IFIH1: variants seen among roughly 807,000 people sequenced by gnomAD.
The protein encoded by IFIH1 is interferon induced with helicase C domain 1.
In IFIH1, 125 loss-of-function variants were observed where a neutral mutation model predicts 107.4. The observed-to-expected ratio is 1.16, with a 90% CI of 1.01 to 1.35. The LOEUF (loss-of-function observed/expected upper bound fraction) is 1.35, where lower values mean the gene tolerates loss of function less well. IFIH1 is among the 40% of genes most tolerant of loss of function. IFIH1 has a pLI of 0.00. For synonymous variants in IFIH1, 458 were observed against 413.2 expected (o/e 1.11, Z -1.31); for missense variants, 1,333 against 1,213.7 (o/e 1.10, Z -1.46).
chr2:162,294,413 T>G (rs1022318669), intron 3 of IFIH1, among the ~76,000 whole-genome samples: 20 of 151,918 alleles, frequency 1.3e-4, no homozygotes, highest in African/African-American at 2.4e-5. Flanking sequence ...TTCTTACAGT[T>G]TATTTCCAAA....
chr2:162,268,920 A>C (rs1253603233), intron 13 of IFIH1, among the ~76,000 whole-genome samples: 1 of 152,214 alleles, frequency 6.6e-6, no homozygotes, highest in African/African-American at 2.4e-5. Flanking sequence ...TCCATAAAAT[A>C]GGTCTAAACT....
chr2:162,280,968 A>G (rs1558867259), intron 7 of IFIH1, among the ~76,000 whole-genome samples: 1 of 152,088 alleles, frequency 6.6e-6, no homozygotes. Flanking sequence ...CTCATGGAGT[A>G]AGACTTTATT....
intron 3 of IFIH1, among the ~76,000 whole-genome samples, chr2:162,297,623 A>G (rs1329301574): frequency 6.6e-6 from 1 of 152,174 alleles, no homozygotes; most frequent in Non-Finnish European, 1.5e-5. Context: ...TATATTGTAT[A>G]ATAAGTTTAG....
At chr2:162,285,191 C>A (rs1379009528) in intron 5 of IFIH1, among the ~76,000 whole-genome samples, 1 of 151,984 alleles carries the variant, frequency 6.6e-6, no homozygotes, top group Non-Finnish European at 1.5e-5. Context: ...TATGGGGCTG[C>A]ATTGCAGCAT....
At chr2:162,275,342 G>C (rs754356463) in intron 11 of IFIH1, among the ~76,000 whole-genome samples, 3 of 152,102 alleles carry the variant, frequency 2.0e-5, no homozygotes, top group Non-Finnish European at 4.4e-5. Flanking sequence ...AAGTCACAAC[G>C]CTAAAGTTAA....
chr2:162,297,225 G>C (rs563109692), intron 3 of IFIH1, among the ~76,000 whole-genome samples: 1 of 152,186 alleles, frequency 6.6e-6, no homozygotes, highest in South Asian at 2.1e-4. Flanking sequence ...GACCTATTGA[G>C]TTTAAATGCC....
At chr2:162,316,452 C>A (rs1683489368) in intron 1 of IFIH1, among the ~76,000 whole-genome samples, 1 of 152,194 alleles carries the variant, frequency 6.6e-6, no homozygotes, top group Admixed American at 6.5e-5. Flanking sequence ...GACAACAGTG[C>A]AAAGTAATTT....
rs1691096939 is a variant in IFIH1, at chr2:162,273,927, G to A, written c.2322C>T (p.Val774=). 6.2e-7 allele frequency: 1 copy of A among 1,603,254 alleles called. No homozygotes were observed. Among genetic ancestry groups the A allele is most frequent in the Non-Finnish European group, 8.5e-7 (1 of 1,172,078 alleles). ...KPMTQNEQKE[V]ISKFRTGKIN... is the part of the protein sequence containing the mutation. Reference sequence around the variant, plus strand: ...TTTTTCCAGTGCGAAATTTACTAATGACTTCTTTTTGTTCATTCTGTAGAA... The same window carrying A: ...TTTTTCCAGTGCGAAATTTACTAATAACTTCTTTTTGTTCATTCTGTAGAA... Residue 774 remains valine, a synonymous_variant, in exon 12 of 16, where the codon GTC becomes GTT. Coordinates refer to ENST00000649979, the MANE Select transcript of IFIH1 (RefSeq NM_022168.4).
chr2:162,276,966 T>G lies in IFIH1; in HGVS notation c.2045-20A>C. On this transcript the variant is annotated intron_variant, in intron 10 of 15. Transcript: ENST00000649979. ...TGTTTTCTTTAAGAAATAATTAGAGTTGATATGTTAACAAGCTTGATTTAG... is the reference window on the plus strand; with the variant it reads ...TGTTTTCTTTAAGAAATAATTAGAGGTGATATGTTAACAAGCTTGATTTAG... The G allele has an allele frequency of 6.4e-7, 1 of 1,568,432 alleles. No homozygotes were observed. Among genetic ancestry groups the G allele is most frequent in the Non-Finnish European group, 8.6e-7 (1 of 1,157,884 alleles).
At chr2:162,271,369 A>G (rs1437619636) in intron 13 of IFIH1, among the ~76,000 whole-genome samples, 1 of 149,168 alleles carries the variant, frequency 6.7e-6, no homozygotes, top group Non-Finnish European at 1.5e-5. Flanking sequence ...AGAAAACCAA[A>G]CCCCGCATGT....
At chr2:162,317,016 GGTGTGTGTGTGTGT>G (rs56835671) in intron 1 of IFIH1, among the ~76,000 whole-genome samples, 2 of 143,950 alleles carry the variant, frequency 1.4e-5, no homozygotes, top group African/African-American at 2.5e-5. Context: ...AAAGAAAAAG[GGTGTGTGTGTGTGT>G]GTGTGTGTGT....
At chr2:162,304,780 T>A (rs1449166152) in intron 3 of IFIH1, among the ~76,000 whole-genome samples, 6 of 152,174 alleles carry the variant, frequency 3.9e-5, no homozygotes, top group Non-Finnish European at 5.9e-5. Context: ...AGATTGAACA[T>A]GATAATATTA....
chr2:162,282,324 A>G (rs775990577), intron 6 of IFIH1, 42 bp downstream of exon 6: 33 of 1,256,948 alleles, frequency 2.6e-5, no homozygotes, highest in East Asian at 2.3e-4. Context: ...TATCATCAAT[A>G]TTACTATTAA....
intron 3 of IFIH1, among the ~76,000 whole-genome samples, chr2:162,300,026 T>C (rs1324051365): frequency 6.6e-6 from 1 of 152,210 alleles, no homozygotes; most frequent in African/African-American, 2.4e-5. Flanking sequence ...CTCGTCAGTC[T>C]TCCTTCTTTT....
Position 162,276,664 on chromosome 2 carries a change from G to A in IFIH1, c.2304+23C>T, listed in dbSNP as rs367786224. On this transcript the variant is annotated intron_variant, in intron 11 of 15. Coordinates refer to ENST00000649979, the MANE Select transcript of IFIH1 (RefSeq NM_022168.4). ...AGAAAAGAGAAAGAAAAGAAAAGAA[G>A]TCGTCCAAAAGGATATTTATACCTG... 1.6e-4 allele frequency: 258 copies of A among 1,577,842 alleles called. 3 individuals carry two copies. In the South Asian group the frequency reaches 2.8e-3, roughly 17 times the overall value.
At chr2:162,285,636 C>A (rs1376775746) in intron 5 of IFIH1, among the ~76,000 whole-genome samples, 1 of 151,858 alleles carries the variant, frequency 6.6e-6, no homozygotes, top group Non-Finnish European at 1.5e-5. Flanking sequence ...CACAACAATG[C>A]AGTGAATGTG....
At chr2:162,300,912 A>T (rs1412415477) in intron 3 of IFIH1, among the ~76,000 whole-genome samples, 3 of 152,154 alleles carry the variant, frequency 2.0e-5, no homozygotes, top group Non-Finnish European at 4.4e-5. Context: ...ATTTTGTGGC[A>T]CTTTTACAGA....
At chr2:162,312,776 T>C (rs1341256253) in intron 1 of IFIH1, among the ~76,000 whole-genome samples, 4 of 152,182 alleles carry the variant, frequency 2.6e-5, no homozygotes, top group Non-Finnish European at 5.9e-5. Flanking sequence ...GTAATTGCTA[T>C]AGATGTAAAT....
chr2:162,298,790 GCA>G (rs144124365), intron 3 of IFIH1, among the ~76,000 whole-genome samples: 3,392 of 149,108 alleles, frequency 0.023, 122 homozygotes, highest in African/African-American at 0.073. Context: ...ACGCGCGCGC[GCA>G]CACACACACA....
Sources: gnomAD v4.1 joint callset for allele counts (sites outside exome capture counted in the v4.1 genomes callset) on GRCh38, gnomAD v4.1.1 for gene constraint, MANE v1.5 for transcripts, NCBI Gene and HGNC (gene_info 2026-07-23, HGNC 2026-07-21) for gene names.